The following UGT1A4 variants were observed in gnomAD, a reference collection of about 807,000 sequenced individuals.
UGT1A4 encodes UDP-glucuronosyltransferase 1A4.
Under a neutral mutation model 41.1 loss-of-function variants are expected in UGT1A4, and 32 were observed. The ratio of observed to expected loss-of-function variants is 0.78; its 90% CI spans 0.59 to 1.05. The LOEUF is 1.05. UGT1A4 is among the 50% of genes least tolerant of loss of function. UGT1A4 has a pLI of 0.00. For missense variants in UGT1A4, 748 were observed against 677.4 expected (o/e 1.10, Z -1.16); for synonymous variants, 283 against 265.1 (o/e 1.07, Z -0.66).
intron 1 of UGT1A4, among the ~76,000 whole-genome samples, chr2:233,747,015 G>C (rs911515983): frequency 6.6e-6 from 1 of 151,822 alleles, no homozygotes; most frequent in African/African-American, 2.4e-5. Flanking sequence ...AGGAGTGATC[G>C]GTCTTTCCCG....
chr2:233,755,026 G>T, intron 1 of UGT1A4: 1 of 1,306,986 alleles, frequency 7.7e-7, no homozygotes, highest in South Asian at 1.2e-5. Context: ...TCCTTGAAGG[G>T]CCTGCCGCCT....
chr2:233,743,632 GT>G, intron 1 of UGT1A4: 1 of 1,367,332 alleles, frequency 7.3e-7, no homozygotes, highest in Non-Finnish European at 9.8e-7. Flanking sequence ...CGTCGGCTGG[GT>G]CGCGGAAGCT....
At chr2:233,719,812 CA>C in intron 1 of UGT1A4, 125 bp downstream of exon 1, 1 of 1,587,558 alleles carries the variant, frequency 6.3e-7, no homozygotes, top group Non-Finnish European at 8.6e-7. Context: ...TTCTTTATAA[CA>C]GATAAACTGT....
chr2:233,724,959 G>A (rs563380533), intron 1 of UGT1A4, among the ~76,000 whole-genome samples: 3 of 142,486 alleles, frequency 2.1e-5, no homozygotes, highest in African/African-American at 8.2e-5. Context: ...CACCTCGGGA[G>A]GCCGAGGTTG....
chr2:233,728,571 T>C lies in UGT1A4; in HGVS notation c.867+8884T>C, dbSNP rs61764026. 1.2e-3 allele frequency among the ~76,000 whole-genome samples: 176 copies of C among 152,316 alleles called. 7 individuals carry two copies. The East Asian group carries it at 0.026, about 22-fold the overall frequency. ...CTGATCCTTACAAGAAATATCCTGGTGCGAAAAACGACCAAAACCACATAG... is the reference window on the plus strand; with the variant it reads ...CTGATCCTTACAAGAAATATCCTGGCGCGAAAAACGACCAAAACCACATAG... On this transcript the variant is annotated intron_variant, in intron 1 of 4. Coordinates refer to ENST00000373409, the MANE Select transcript of UGT1A4 (RefSeq NM_007120.3).
chr2:233,757,096 G>T (rs1286563968), intron 1 of UGT1A4, among the ~76,000 whole-genome samples: 1 of 151,374 alleles, frequency 6.6e-6, no homozygotes, highest in Non-Finnish European at 1.5e-5. Flanking sequence ...GAGGCAGAGG[G>T]AGGGGGCAAG....
chr2:233,768,319 G>A lies in UGT1A4; in HGVS notation c.1187G>A (p.Gly396Asp), dbSNP rs367897068. The A allele has an allele frequency of 6.2e-7, 1 of 1,614,162 alleles. No homozygotes were observed. Among genetic ancestry groups the A allele is most frequent in the Non-Finnish European group, 8.5e-7 (1 of 1,180,044 alleles). The change falls in exon 4 of 5, where the codon GGT (glycine) becomes GAT (aspartate). Residue 396 changes from glycine (G) to aspartate (D), a missense_variant. Gly to Asp is a moderately conservative substitution (Grantham distance 94). Transcript: ENST00000373409. ...CCCATGGTGATGATGCCCTTGTTTG[G>A]TGATCAGATGGACAATGCAAAGCGC... ...GVPMVMMPLF[G>D]DQMDNAKRME...
At chr2:233,742,694 A>G (rs1343342305) in intron 1 of UGT1A4, 1 of 152,520 alleles carries the variant, frequency 6.6e-6, no homozygotes, top group Admixed American at 6.5e-5. Context: ...CAGAGGGAAC[A>G]TGCTTCCACC....
chr2:233,764,154 G>A (rs967840775), intron 1 of UGT1A4, among the ~76,000 whole-genome samples: 1 of 152,226 alleles, frequency 6.6e-6, no homozygotes, highest in Non-Finnish European at 1.5e-5. Flanking sequence ...TTTGGCTGGT[G>A]AAGTCTCATC....
chr2:233,721,676 A>T (rs1442079995), intron 1 of UGT1A4: 1 of 291,948 alleles, frequency 3.4e-6, no homozygotes, highest in African/African-American at 2.2e-5. Context: ...TTAATCCAAT[A>T]ATGAGCTCTG....
At chr2:233,746,920 C>A (rs1023587712) in intron 1 of UGT1A4, among the ~76,000 whole-genome samples, 10 of 151,720 alleles carry the variant, frequency 6.6e-5, no homozygotes, top group Admixed American at 4.6e-4. Context: ...TTTCCACAGG[C>A]CTTTGTTGGG....
intron 1 of UGT1A4, among the ~76,000 whole-genome samples, chr2:233,722,817 G>T (rs1300822952): frequency 6.1e-5 from 9 of 147,334 alleles, no homozygotes; most frequent in African/African-American, 2.0e-4. Flanking sequence ...ATTTTTTCAA[G>T]TTATTTTGTA....
At chr2:233,725,411 A>G (rs1339557332) in intron 1 of UGT1A4, among the ~76,000 whole-genome samples, 2 of 151,802 alleles carry the variant, frequency 1.3e-5, no homozygotes, top group Non-Finnish European at 2.9e-5. Context: ...TCTAATACAG[A>G]ATTGTCCAAT....
chr2:233,761,127 C>A lies in UGT1A4; in HGVS notation c.868-5907C>A, dbSNP rs281865418. 1.2e-6 allele frequency: 2 copies of A among 1,614,174 alleles called. No individual in the cohort carries two copies. Among genetic ancestry groups the A allele is most frequent in the South Asian group, 1.1e-5 (1 of 91,074 alleles). On this transcript the variant is annotated intron_variant, in intron 1 of 4. Transcript: ENST00000373409. ...TGGTTTTTGTTGGTGGAATCAACTGCCTTCACCAAAATCCACTATCCCAGG... is the reference window on the plus strand; with the variant it reads ...TGGTTTTTGTTGGTGGAATCAACTGACTTCACCAAAATCCACTATCCCAGG...
intron 1 of UGT1A4, among the ~76,000 whole-genome samples, chr2:233,720,298 G>A (rs2076845551): frequency 6.6e-6 from 1 of 152,140 alleles, no homozygotes; most frequent in Admixed American, 6.5e-5. Context: ...CAGGAGTTGG[G>A]GGTCTGGTGT....
At chr2:233,744,212 GTTGGGGAAAAGAGA>G (rs1383890849) in intron 1 of UGT1A4, among the ~76,000 whole-genome samples, 2 of 151,858 alleles carry the variant, frequency 1.3e-5, no homozygotes, top group Non-Finnish European at 2.9e-5. Flanking sequence ...GGAAAAAGAG[GTTGGGGAAAAGAGA>G]GGGCCTTGAC....
At chr2:233,741,668 T>C (rs1315003933) in intron 1 of UGT1A4, 1 of 151,924 alleles carries the variant, frequency 6.6e-6, no homozygotes, top group African/African-American at 2.4e-5. Context: ...GTTCCTGCTG[T>C]TTATTGCTTG....
chr2:233,748,656 G>A (rs1055285615), intron 1 of UGT1A4, among the ~76,000 whole-genome samples: 3 of 151,770 alleles, frequency 2.0e-5, no homozygotes, highest in African/African-American at 4.9e-5. Context: ...ACTGAGTTCA[G>A]TTTCCAGAGA....
In UGT1A4 at chr2:233,769,857, C is replaced by CAAA. The variant is rs879204025; in HGVS notation, c.1307+1433_1307+1435dup. 4.7e-4 allele frequency: 105 copies of CAAA among 224,472 alleles called. No individual in the cohort carries two copies. Among genetic ancestry groups the CAAA allele is most frequent in the South Asian group, 1.3e-3 (12 of 9,146 alleles). The allele number at this position is 224,472 out of a possible 1,614,324, so 13.9% of individuals were successfully genotyped here. ...TGGGCAACAGAGTGAGACCCTGTCT[C>CAAA]AAAAAAAAAAAAAAAAATGAAAAGT... On this transcript the variant is annotated intron_variant, in intron 4 of 4. Coordinates refer to ENST00000373409, the MANE Select transcript of UGT1A4 (RefSeq NM_007120.3). This position sits in a 1 kb window ranked among gnomAD's most constrained non-coding sequence, Gnocchi z 4.4.
Sources: allele counts gnomAD v4.1 joint callset (sites outside exome capture counted in the v4.1 genomes callset), GRCh38; gene constraint gnomAD v4.1.1; non-coding constraint Gnocchi (gnomAD v3.1); transcripts MANE v1.5; gene names NCBI Gene and HGNC (gene_info 2026-07-23, HGNC 2026-07-21).